Variants in SNX6 observed in about 807,000 individuals in gnomAD.
SNX6 encodes the protein sorting nexin 6, also known as sorting nexin-6.
Under a neutral mutation model 63.0 loss-of-function variants are expected in SNX6, and 34 were observed. The ratio of observed to expected loss-of-function variants is 0.54; its 90% confidence interval spans 0.41 to 0.72. SNX6 has a LOEUF of 0.72. Ranked by LOEUF, SNX6 falls within the 30% of genes least tolerant of loss-of-function variation. The pLI, the probability that SNX6 is intolerant of heterozygous loss-of-function variation, is 0.00. For synonymous variants in SNX6, 170 were observed against 164.2 expected (o/e 1.04, Z -0.27); for missense variants, 398 against 471.4 (o/e 0.84, Z 1.44).
In SNX6 at chr14:34,613,879, T is replaced by C. The variant is rs142426498; in HGVS notation, c.55-4137A>G. ...ATACCAGCACTCTGGGAGCCCGAGG[T>C]GGGTGGATCACGAGGTCAGGAGTTC... is the stretch of plus-strand genomic sequence containing the variant. On this transcript the variant is annotated intron_variant, in intron 2 of 13. Coordinates refer to ENST00000362031, the MANE Select transcript of SNX6 (RefSeq NM_152233.4). Among the ~76,000 whole-genome samples the C allele has an allele frequency of 5.9e-3, 885 of 150,204 alleles. 10 individuals are homozygous for C. Among genetic ancestry groups the C allele is most frequent in the African/African-American group, 0.021 (842 of 40,686 alleles).
intron 13 of SNX6, among the ~76,000 whole-genome samples, chr14:34,567,121 G>A: frequency 6.6e-6 from 1 of 152,004 alleles, no homozygotes; most frequent in Non-Finnish European, 1.5e-5. Flanking sequence ...CTACTCGGGA[G>A]GCTGAGGCAG....
chr14:34,582,753 G>A (rs923691298), intron 9 of SNX6, among the ~76,000 whole-genome samples: 7 of 151,870 alleles, frequency 4.6e-5, no homozygotes, highest in African/African-American at 1.5e-4. Flanking sequence ...ATGTTGGCCA[G>A]GCTGGTCTCA....
intron 5 of SNX6, chr14:34,604,379 A>G (rs1424471073): frequency 5.4e-6 from 5 of 931,434 alleles, no homozygotes; most frequent in Non-Finnish European, 6.8e-6. Flanking sequence ...CTTTGAATAT[A>G]TATCTGTCTG....
At chr14:34,564,002 G>A (rs1210927340) in intron 13 of SNX6, among the ~76,000 whole-genome samples, 2 of 152,072 alleles carry the variant, frequency 1.3e-5, no homozygotes, top group Non-Finnish European at 2.9e-5. Context: ...GCCTCCCAAA[G>A]TGCTGTGATT....
At chr14:34,625,595 C>T (rs1883796034) in intron 2 of SNX6, among the ~76,000 whole-genome samples, 1 of 152,006 alleles carries the variant, frequency 6.6e-6, no homozygotes, top group African/African-American at 2.4e-5. Flanking sequence ...ATTAGCCAGG[C>T]CTGGTGGCGG....
At chr14:34,581,537 A>T (rs200453327) in intron 10 of SNX6, 24 bp downstream of exon 10, 1 of 1,302,664 alleles carries the variant, frequency 7.7e-7, no homozygotes, top group Admixed American at 1.8e-5. Context: ...ATTATGCAGT[A>T]TATCTCTATA....
intron 9 of SNX6, among the ~76,000 whole-genome samples, chr14:34,584,754 AATAT>A (rs111529608): frequency 2.7e-5 from 4 of 147,352 alleles, no homozygotes; most frequent in African/African-American, 1.1e-4. Context: ...AAGAAAAAAA[AATAT>A]ATATAGAGAG....
Position 34,567,980 on chromosome 14 carries a change from C to T in SNX6, c.955G>A (p.Asp319Asn). The T allele has an allele frequency of 6.2e-7, 1 of 1,611,958 alleles. No individual in the cohort carries two copies. The change falls in exon 12 of 14, where the codon GAT (aspartate) becomes AAT (asparagine). Residue 319 changes from aspartate to asparagine, a missense_variant. Coordinates refer to ENST00000362031, the MANE Select transcript of SNX6 (RefSeq NM_152233.4). ...AGTGCTTTATTAGCATTTTCATAAT[C>T]CACTAGTGACCTAGACCTTCGATAC... ...LLYRRSRSLV[D>N]YENANKALDK...
intron 2 of SNX6, chr14:34,629,518 G>C (rs1417906161): frequency 6.0e-6 from 3 of 502,912 alleles, no homozygotes; most frequent in South Asian, 3.1e-5. Context: ...TCCACACCGG[G>C]TGAAAATTGA....
chr14:34,611,208 G>A (rs1160082897), intron 2 of SNX6, among the ~76,000 whole-genome samples: 1 of 151,966 alleles, frequency 6.6e-6, no homozygotes, highest in East Asian at 1.9e-4. Flanking sequence ...GGCCAGGCTG[G>A]TCTTGAACTC....
At chr14:34,585,721 G>A (rs1248856871) in intron 9 of SNX6, among the ~76,000 whole-genome samples, 2 of 151,668 alleles carry the variant, frequency 1.3e-5, no homozygotes, top group African/African-American at 4.8e-5. Context: ...TCAGCCTCCC[G>A]AGTAGCTAGC....
intron 8 of SNX6, among the ~76,000 whole-genome samples, chr14:34,587,920 C>T (rs964398021): frequency 3.3e-5 from 5 of 151,016 alleles, no homozygotes; most frequent in African/African-American, 7.3e-5. Context: ...AAGTGATTCT[C>T]GTGCCTCAGC....
At chr14:34,598,725 G>A (rs1224790995) in intron 6 of SNX6, among the ~76,000 whole-genome samples, 1 of 152,108 alleles carries the variant, frequency 6.6e-6, no homozygotes. Context: ...TAATTAAGAA[G>A]AGGTGGGCCT....
chr14:34,584,895 C>T (rs1245512193), intron 9 of SNX6, among the ~76,000 whole-genome samples: 1 of 151,834 alleles, frequency 6.6e-6, no homozygotes, highest in African/African-American at 2.4e-5. Flanking sequence ...TCTTGTTGCC[C>T]AGGCTGGAGT....
chr14:34,572,918 G>A (rs908572565), intron 11 of SNX6, among the ~76,000 whole-genome samples: 2 of 151,894 alleles, frequency 1.3e-5, no homozygotes, highest in Admixed American at 6.6e-5. Context: ...TCCTGACCTC[G>A]TGATCCACCC....
chr14:34,604,115 G>T, intron 5 of SNX6: 6 of 1,233,096 alleles, frequency 4.9e-6, no homozygotes, highest in Non-Finnish European at 5.2e-6. Context: ...CTACGTGCAA[G>T]AAGGATAAGT....
intron 2 of SNX6, among the ~76,000 whole-genome samples, chr14:34,615,253 TAA>T (rs1883374658): frequency 6.6e-6 from 1 of 152,148 alleles, no homozygotes; most frequent in African/African-American, 2.4e-5. Context: ...TTACATACAA[TAA>T]AATACAGATT....
chr14:34,612,391 T>C (rs1883266032), intron 2 of SNX6, among the ~76,000 whole-genome samples: 1 of 152,154 alleles, frequency 6.6e-6, no homozygotes, highest in African/African-American at 2.4e-5. Context: ...GAGATGGGGA[T>C]TTTGAGATTA....
At chr14:34,582,702 C>T (rs922962599) in intron 9 of SNX6, among the ~76,000 whole-genome samples, 1 of 152,042 alleles carries the variant, frequency 6.6e-6, no homozygotes, top group African/African-American at 2.4e-5. Flanking sequence ...CTCACCAAGC[C>T]TGGCTAATTT....
Sources: gnomAD v4.1 joint callset for allele counts (sites outside exome capture counted in the v4.1 genomes callset) on GRCh38, gnomAD v4.1.1 for gene constraint, MANE v1.5 for transcripts, NCBI Gene and HGNC (gene_info 2026-07-23, HGNC 2026-07-21) for gene names.